LRBA: variants seen among roughly 807,000 people sequenced by gnomAD.
LRBA encodes lipopolysaccharide-responsive and beige-like anchor protein.
LRBA carries 176 observed loss-of-function variants against 330.0 expected under a neutral mutation model. That is an observed-to-expected ratio of 0.53 (90% CI 0.47 to 0.60). LRBA has a LOEUF of 0.60. LRBA is among the 20% of genes least tolerant of loss of function. The probability of loss-of-function intolerance (pLI) is 0.00; values close to 1 mark genes in which losing one functional copy is unlikely to be tolerated. For missense variants in LRBA, 3,259 were observed against 3,444.8 expected (o/e 0.95, Z 1.35); for synonymous variants, 1,230 against 1,193.0 (o/e 1.03, Z -0.64).
At chr4:150,997,420 C>T (rs1742784383) in intron 2 of LRBA, among the ~76,000 whole-genome samples, 1 of 152,142 alleles carries the variant, frequency 6.6e-6, no homozygotes, top group Non-Finnish European at 1.5e-5. Flanking sequence ...AAAAGTTCAT[C>T]CCCATGCAGA....
intron 40 of LRBA, among the ~76,000 whole-genome samples, chr4:150,495,318 A>G (rs566395664): frequency 6.6e-6 from 1 of 152,318 alleles, no homozygotes; most frequent in African/African-American, 2.4e-5. Context: ...ATCATACTGA[A>G]TGTATAATGA....
chr4:150,895,746 G>A (rs148599356), intron 16 of LRBA, among the ~76,000 whole-genome samples: 3,475 of 152,220 alleles, frequency 0.023, 122 homozygotes, highest in African/African-American at 0.079. Flanking sequence ...ATAAACATAC[G>A]TGTGCATGTG....
chr4:150,471,630 T>C lies in LRBA; in HGVS notation c.6661A>G (p.Ile2221Val). 2 of 1,558,434 alleles carry C rather than the reference T, an allele frequency of 1.3e-6. No individual in the cohort carries two copies. The highest frequency in any genetic ancestry group is 1.8e-6 in the Non-Finnish European group (2 of 1,140,510). The change falls in exon 43 of 57, where the codon ATA (isoleucine) becomes GTA (valine). Residue 2221 changes from isoleucine (I) to valine (V), a missense_variant. Ile to Val is a conservative substitution (Grantham distance 29). Coordinates refer to ENST00000651943, the MANE Select transcript of LRBA (RefSeq NM_001364905.1). ...ATACATGGAATTAGGTTACCTGCTA[T>C]CGTGTTGAGAAACATCAAGTACTCA... ...NFEYLMFLNT[I>V]AGRSYNDLNQ...
In LRBA at chr4:150,868,428, T is replaced by A. The variant is rs1692377692; in HGVS notation, c.2450-123A>T. Reference sequence around the variant, plus strand: ...CAAATGTCTACCAAAAACATCCTCTTCTGTTATTAAAAAAAATCACCTCTG... The same window carrying A: ...CAAATGTCTACCAAAAACATCCTCTACTGTTATTAAAAAAAATCACCTCTG... On this transcript the variant is annotated intron_variant, in intron 20 of 56. Coordinates refer to ENST00000651943, the MANE Select transcript of LRBA (RefSeq NM_001364905.1). 4 of 511,160 alleles carry A rather than the reference T, an allele frequency of 7.8e-6. No individual in the cohort carries two copies. The Admixed American group carries it at 1.5e-4, about 20-fold the overall frequency. The allele number at this position is 511,160 out of a possible 1,614,324, so 31.7% of individuals were successfully genotyped here.
chr4:150,447,725 A>G (rs530477780), intron 44 of LRBA, among the ~76,000 whole-genome samples: 1 of 152,346 alleles, frequency 6.6e-6, no homozygotes, highest in African/African-American at 2.4e-5. Flanking sequence ...AAATTAATTC[A>G]TAAGGTAAAT....
At chr4:150,443,872 ATTTTTTTT>A (rs61403112) in intron 44 of LRBA, among the ~76,000 whole-genome samples, 2,023 of 88,346 alleles carry the variant, frequency 0.023, 56 homozygotes, top group African/African-American at 0.06. Flanking sequence ...ATATATATAT[ATTTTTTTT>A]TTTTTTTTTT....
chr4:150,325,291 C>T (rs913346388), intron 49 of LRBA, among the ~76,000 whole-genome samples: 1 of 152,128 alleles, frequency 6.6e-6, no homozygotes, highest in African/African-American at 2.4e-5. Context: ...ATGAGAAATA[C>T]AATACATGAT....
At chr4:150,278,267 A>G (rs1051800060) in intron 55 of LRBA, among the ~76,000 whole-genome samples, 13 of 152,176 alleles carry the variant, frequency 8.5e-5, no homozygotes, top group Admixed American at 5.9e-4. Flanking sequence ...TACAAATGCT[A>G]CTGGAATGGT....
At chr4:150,694,631 G>C (rs920627727) in intron 36 of LRBA, among the ~76,000 whole-genome samples, 1 of 151,952 alleles carries the variant, frequency 6.6e-6, no homozygotes, top group Non-Finnish European at 1.5e-5. Context: ...TCAAAGTATT[G>C]ATTTCTCTCA....
intron 47 of LRBA, among the ~76,000 whole-genome samples, chr4:150,404,779 T>G (rs1051760220): frequency 6.6e-6 from 1 of 152,218 alleles, no homozygotes; most frequent in Admixed American, 6.5e-5. Flanking sequence ...TAGAAAATCA[T>G]AGAAGTTACT....
chr4:150,373,158 T>A (rs1740680006), intron 47 of LRBA, among the ~76,000 whole-genome samples: 1 of 148,476 alleles, frequency 6.7e-6, no homozygotes, highest in African/African-American at 2.5e-5. Flanking sequence ...TGTGTGTGTG[T>A]GTGTGTGTGT....
At chr4:150,673,136 G>T (rs910907898) in intron 37 of LRBA, among the ~76,000 whole-genome samples, 18 of 152,098 alleles carry the variant, frequency 1.2e-4, no homozygotes, top group African/African-American at 4.3e-4. Flanking sequence ...ACAAGGAGAG[G>T]CATAAATGAC....
At chr4:150,379,303 CAAAAAAAAA>C (rs10634420) in intron 47 of LRBA, among the ~76,000 whole-genome samples, 4 of 59,884 alleles carry the variant, frequency 6.7e-5, no homozygotes, top group South Asian at 9.4e-4. Flanking sequence ...AACTCTAGCT[CAAAAAAAAA>C]AAAAAAAAAA....
chr4:150,349,860 C>T, intron 48 of LRBA, 132 bp downstream of exon 48: 1 of 700,462 alleles, frequency 1.4e-6, no homozygotes, highest in South Asian at 2.1e-5. Context: ...ATAAATTATT[C>T]TGCTTAAGGC....
chr4:150,706,637 A>T (rs1366285765), intron 36 of LRBA, among the ~76,000 whole-genome samples: 3 of 151,674 alleles, frequency 2.0e-5, no homozygotes, highest in Admixed American at 2.0e-4. Flanking sequence ...GCAACAAAAA[A>T]TACCATCATA....
rs145882087 is a variant in LRBA, at chr4:150,680,871, G to A, written c.5921+2680C>T. On this transcript the variant is annotated intron_variant, in intron 37 of 56. Coordinates refer to ENST00000651943, the MANE Select transcript of LRBA (RefSeq NM_001364905.1). ...CTGCCAGCATTGCAGCCCACTGATC[G>A]TGTGGCATTAGAAAAGCCATCAATA... Among the ~76,000 whole-genome samples, 658 of 152,234 alleles carry A rather than the reference G, an allele frequency of 4.3e-3. 4 individuals carry two copies. The highest frequency in any genetic ancestry group is 0.015 in the African/African-American group (626 of 41,550).
At chr4:150,688,203 A>C (rs1190310288) in intron 36 of LRBA, among the ~76,000 whole-genome samples, 1 of 152,246 alleles carries the variant, frequency 6.6e-6, no homozygotes, top group African/African-American at 2.4e-5. Flanking sequence ...AGAAATGGGG[A>C]AAGGATTCGC....
chr4:150,375,482 G>T (rs1474396983), intron 47 of LRBA, among the ~76,000 whole-genome samples: 4 of 151,694 alleles, frequency 2.6e-5, no homozygotes, highest in Non-Finnish European at 4.4e-5. Context: ...TTTTGAGATG[G>T]AGTCTCACTA....
intron 40 of LRBA, among the ~76,000 whole-genome samples, chr4:150,498,233 C>T (rs925177461): frequency 6.6e-6 from 1 of 152,110 alleles, no homozygotes; most frequent in African/African-American, 2.4e-5. Context: ...GGAGTTGATG[C>T]ACCTTTAAGC....
Sources: gnomAD v4.1 joint callset for allele counts (sites outside exome capture counted in the v4.1 genomes callset) on GRCh38, gnomAD v4.1.1 for gene constraint, MANE v1.5 for transcripts, NCBI Gene and HGNC (gene_info 2026-07-23, HGNC 2026-07-21) for gene names.